Variants in CADM2 observed in about 807,000 individuals in gnomAD.
CADM2 encodes cell adhesion molecule 2, also known as immunoglobulin superfamily member 4D.
Under a neutral mutation model 49.8 loss-of-function variants are expected in CADM2, and 12 were observed. The observed-to-expected ratio is 0.24, with a 90% CI of 0.15 to 0.39. The LOEUF is 0.39. CADM2 is among the 10% of genes least tolerant of loss of function. The pLI, the probability that CADM2 is intolerant of heterozygous loss-of-function variation, is 1.00. For missense variants in CADM2, 378 were observed against 492.3 expected, an observed-to-expected ratio of 0.77 and a Z score of 2.20; for synonymous variants, 214 against 175.4, an observed-to-expected ratio of 1.22 and a Z score of -1.74.
At position 85,743,763 on chromosome 3, in the gene CADM2, T is replaced by A. The variant is rs942839476; in HGVS notation, c.88+17215T>A. 2.6e-5 allele frequency among the ~76,000 whole-genome samples: 4 copies of A among 152,296 alleles called. No homozygotes were observed. The East Asian group carries it at 7.7e-4, about 29-fold the overall frequency. ...GTGAAAACAATTTAAACTCAAAGGT[T>A]AAAATCACCTCAAAAGAGATTCTAA... On this transcript the variant is annotated intron_variant, in intron 2 of 9. Transcript: ENST00000383699.
chr3:85,987,143 T>A (rs1275038467), intron 8 of CADM2, among the ~76,000 whole-genome samples: 3 of 152,054 alleles, frequency 2.0e-5, no homozygotes, highest in Non-Finnish European at 4.4e-5. Flanking sequence ...ACTGACTTGT[T>A]TGCTGCATTT....
intron 1 of CADM2, among the ~76,000 whole-genome samples, chr3:84,962,851 A>G (rs2030670306): frequency 1.3e-5 from 2 of 152,278 alleles, no homozygotes; most frequent in Non-Finnish European, 2.9e-5. Context: ...TCTGTGTTTT[A>G]ACTGACTGTA....
chr3:85,373,063 A>G (rs767512045), intron 1 of CADM2, among the ~76,000 whole-genome samples: 5 of 152,052 alleles, frequency 3.3e-5, no homozygotes, highest in Non-Finnish European at 7.4e-5. Context: ...TTCAAAACCA[A>G]TCATGGCTTC....
intron 1 of CADM2, among the ~76,000 whole-genome samples, chr3:85,635,264 A>G (rs1302550029): frequency 6.6e-6 from 1 of 152,140 alleles, no homozygotes; most frequent in African/African-American, 2.4e-5. Context: ...TAAGCGGCAT[A>G]TACAGGAATA....
chr3:85,899,813 T>C (rs1577605952), intron 5 of CADM2, among the ~76,000 whole-genome samples: 2 of 152,308 alleles, frequency 1.3e-5, no homozygotes, highest in Middle Eastern at 3.4e-3. Context: ...TTGAACATCA[T>C]ATGCAATTTC....
chr3:85,413,066 G>A (rs537474987), intron 1 of CADM2, among the ~76,000 whole-genome samples: 15 of 145,464 alleles, frequency 1.0e-4, no homozygotes, highest in African/African-American at 2.5e-4. Context: ...GTGTGAACCC[G>A]GAAGGCGGAG....
intron 2 of CADM2, among the ~76,000 whole-genome samples, chr3:85,772,438 A>T (rs2070140958): frequency 6.6e-6 from 1 of 152,082 alleles, no homozygotes; most frequent in Admixed American, 6.6e-5. Flanking sequence ...AGTAGAATTT[A>T]TGGAATATCT....
intron 1 of CADM2, among the ~76,000 whole-genome samples, chr3:85,105,299 A>C (rs1364322754): frequency 6.6e-6 from 1 of 152,214 alleles, no homozygotes; most frequent in African/African-American, 2.4e-5. Context: ...ATGAACAGAC[A>C]CTTCTCAAAA....
intron 1 of CADM2, among the ~76,000 whole-genome samples, chr3:85,548,520 G>C (rs1208179774): frequency 6.8e-6 from 1 of 147,250 alleles, no homozygotes; most frequent in South Asian, 2.2e-4. Context: ...GAGTCCCAGA[G>C]TTCCCATTTG....
intron 8 of CADM2, among the ~76,000 whole-genome samples, chr3:85,977,557 A>T (rs1057015054): frequency 4.0e-5 from 6 of 151,626 alleles, no homozygotes; most frequent in African/African-American, 1.5e-4. Flanking sequence ...AAATTTAGAA[A>T]ATGTTTTCAT....
chr3:85,288,533 A>T (rs1296106512), intron 1 of CADM2, among the ~76,000 whole-genome samples: 1 of 152,112 alleles, frequency 6.6e-6, no homozygotes, highest in African/African-American at 2.4e-5. Flanking sequence ...TGCTAAATTC[A>T]TTTATTCTTT....
intron 1 of CADM2, among the ~76,000 whole-genome samples, chr3:85,482,499 G>C (rs1471020678): frequency 6.6e-6 from 1 of 151,704 alleles, no homozygotes; most frequent in Non-Finnish European, 1.5e-5. Flanking sequence ...GCTTGTGATG[G>C]CTAATTCTAT....
chr3:85,586,502 C>T (rs73139836), intron 1 of CADM2, among the ~76,000 whole-genome samples: 4,218 of 151,984 alleles, frequency 0.028, 85 homozygotes, highest in Non-Finnish European at 0.047. Flanking sequence ...TTGCTATTTC[C>T]CATTTAGATT....
chr3:85,043,483 C>A (rs1264139662), intron 1 of CADM2, among the ~76,000 whole-genome samples: 1 of 151,336 alleles, frequency 6.6e-6, no homozygotes, highest in South Asian at 2.1e-4. Context: ...AGTTTGAGAC[C>A]AACATGGGCA....
intron 2 of CADM2, among the ~76,000 whole-genome samples, chr3:85,788,954 G>A (rs538378052): frequency 6.6e-6 from 1 of 151,840 alleles, no homozygotes; most frequent in Non-Finnish European, 1.5e-5. Flanking sequence ...TTATAATTCA[G>A]TATTATTAGT....
intron 1 of CADM2, among the ~76,000 whole-genome samples, chr3:85,336,945 A>G (rs1287111142): frequency 2.0e-5 from 1 of 50,608 alleles, no homozygotes; most frequent in Non-Finnish European, 6.7e-5. Context: ...AACTAAATAT[A>G]TATATATTTA....
At chr3:85,158,006 C>A (rs539302550) in intron 1 of CADM2, among the ~76,000 whole-genome samples, 1 of 152,120 alleles carries the variant, frequency 6.6e-6, no homozygotes, top group African/African-American at 2.4e-5. Flanking sequence ...AAAAAACAAA[C>A]AATCCCATCA....
At chr3:85,654,607 T>C (rs1018051949) in intron 1 of CADM2, among the ~76,000 whole-genome samples, 3 of 152,182 alleles carry the variant, frequency 2.0e-5, no homozygotes, top group African/African-American at 7.2e-5. Flanking sequence ...GAGGCAATAG[T>C]AAAATGTCCT....
chr3:85,604,557 A>G (rs1280200487), intron 1 of CADM2, among the ~76,000 whole-genome samples: 2 of 152,000 alleles, frequency 1.3e-5, no homozygotes, highest in Non-Finnish European at 2.9e-5. Context: ...ACAACAATGA[A>G]CTAGGTGCCA....
Sources: allele counts gnomAD v4.1 joint callset (sites outside exome capture counted in the v4.1 genomes callset), GRCh38; gene constraint gnomAD v4.1.1; transcripts MANE v1.5; gene names NCBI Gene and HGNC (gene_info 2026-07-23, HGNC 2026-07-21).